CTNNA2: variants seen among roughly 807,000 people sequenced by gnomAD.
The protein encoded by CTNNA2 is catenin alpha-2.
Under a neutral mutation model 101.0 loss-of-function variants are expected in CTNNA2, and 42 were observed. The ratio of observed to expected loss-of-function variants is 0.42; its 90% confidence interval spans 0.32 to 0.54. CTNNA2 has a LOEUF of 0.54. Among genes scored for constraint, CTNNA2 ranks in the 20% least tolerant of loss-of-function variants. The pLI is 0.14. For missense variants in CTNNA2, 871 were observed against 1,223.1 expected (o/e 0.71, Z 4.29); for synonymous variants, 450 against 456.4 (o/e 0.99, Z 0.18).
chr2:80,128,613 G>T (rs1472569817), intron 7 of CTNNA2, among the ~76,000 whole-genome samples: 1 of 152,104 alleles, frequency 6.6e-6, no homozygotes, highest in Admixed American at 6.6e-5. Context: ...AAAAAACAGT[G>T]CCAATTAAAC....
In CTNNA2 at chr2:79,501,181, T is replaced by A. The variant is rs933131724; in HGVS notation, c.-134-3873T>A. Among the ~76,000 whole-genome samples the A allele has an allele frequency of 7.9e-5, 12 of 152,344 alleles. 1 individual carries two copies. In the South Asian group the frequency reaches 2.5e-3, roughly 32 times the overall value. Reference sequence around the variant, plus strand: ...CAGTTTGAATATAATGATGACCTTATTACCCATGGAAAATGGGTTACTGCT... The same window carrying A: ...CAGTTTGAATATAATGATGACCTTAATACCCATGGAAAATGGGTTACTGCT... On this transcript the variant is annotated intron_variant, in intron 4 of 21. Coordinates refer to the CTNNA2 transcript ENST00000466387.
chr2:79,701,541 T>A (rs142763137), intron 2 of CTNNA2, among the ~76,000 whole-genome samples: 44 of 152,304 alleles, frequency 2.9e-4, no homozygotes, highest in Non-Finnish European at 5.3e-4. Flanking sequence ...CAATTCTGAT[T>A]CAACCCATAC....
At chr2:80,355,073 T>C (rs116559408) in intron 7 of CTNNA2, among the ~76,000 whole-genome samples, 5 of 152,188 alleles carry the variant, frequency 3.3e-5, no homozygotes, top group African/African-American at 1.2e-4. Flanking sequence ...TGTGCTAGTT[T>C]ACCACTGCAG....
chr2:79,562,763 GC>G (rs955953959), intron 1 of CTNNA2, among the ~76,000 whole-genome samples: 5 of 151,888 alleles, frequency 3.3e-5, no homozygotes, highest in African/African-American at 1.2e-4. Context: ...TGTGAAACTT[GC>G]TCTGTTGAAC....
rs1008392555 is a variant in CTNNA2, at chr2:80,568,408, G to A, written c.1742-5755G>A. On this transcript the variant is annotated intron_variant, in intron 12 of 18. Transcript: ENST00000402739. ...ACTTCTTATCCTTCTCTACCCAACT[G>A]GATAGATTGTCTGTGCTAGAAGCAG... Among the ~76,000 whole-genome samples, 13 of 152,202 alleles carry A rather than the reference G, an allele frequency of 8.5e-5. No individual in the cohort carries two copies. In the East Asian group the frequency reaches 2.5e-3, roughly 29 times the overall value.
intron 7 of CTNNA2, among the ~76,000 whole-genome samples, chr2:80,209,998 A>G (rs961578851): frequency 6.6e-6 from 1 of 152,224 alleles, no homozygotes; most frequent in South Asian, 2.1e-4. Flanking sequence ...GGTGTGGTTT[A>G]TGGAAGAACT....
chr2:79,817,941 T>C (rs1677663138), intron 3 of CTNNA2, among the ~76,000 whole-genome samples: 1 of 152,192 alleles, frequency 6.6e-6, no homozygotes, highest in Non-Finnish European at 1.5e-5. Context: ...TGATGACATG[T>C]GATGAAGAAT....
intron 7 of CTNNA2, among the ~76,000 whole-genome samples, chr2:80,196,502 T>C (rs951259478): frequency 6.6e-6 from 1 of 152,234 alleles, no homozygotes; most frequent in Non-Finnish European, 1.5e-5. Context: ...ACAGATTTTA[T>C]AGAAAATGAA....
intron 17 of CTNNA2, among the ~76,000 whole-genome samples, chr2:80,611,464 C>A (rs527685443): frequency 1.3e-5 from 2 of 151,614 alleles, no homozygotes; most frequent in East Asian, 3.9e-4. Flanking sequence ...AAAAGTTAAG[C>A]CATATATTTT....
intron 15 of CTNNA2, among the ~76,000 whole-genome samples, chr2:80,591,991 TCATTTTTCAGAAAGAAATCG>T (rs1308045390): frequency 6.6e-6 from 1 of 152,190 alleles, no homozygotes. Context: ...TCTTTTCATG[TCATTTTTCAGAAAGAAATCG>T]CATGTTGCTA....
intron 4 of CTNNA2, among the ~76,000 whole-genome samples, chr2:79,453,957 T>C (rs189605897): frequency 3.1e-4 from 47 of 152,230 alleles, no homozygotes; most frequent in African/African-American, 1.0e-3. Context: ...AGACTTCTGG[T>C]GCTAAAAGCA....
At chr2:79,678,263 T>G (rs773161716) in intron 2 of CTNNA2, among the ~76,000 whole-genome samples, 31 of 152,136 alleles carry the variant, frequency 2.0e-4, no homozygotes, top group Non-Finnish European at 2.2e-4. Flanking sequence ...ATCCCCATGC[T>G]GGGCGCGGTA....
chr2:80,438,513 T>C (rs1682254818), intron 9 of CTNNA2, among the ~76,000 whole-genome samples: 1 of 152,202 alleles, frequency 6.6e-6, no homozygotes, highest in Non-Finnish European at 1.5e-5. Flanking sequence ...TTTTACTCAT[T>C]ATTTATGCCA....
At chr2:79,539,898 G>A (rs1385776349) in intron 1 of CTNNA2, among the ~76,000 whole-genome samples, 1 of 152,080 alleles carries the variant, frequency 6.6e-6, no homozygotes, top group African/African-American at 2.4e-5. Context: ...CTTTTTGGAA[G>A]GTCTTTCTGT....
chr2:80,262,254 T>A (rs1460034324), intron 7 of CTNNA2, among the ~76,000 whole-genome samples: 1 of 152,138 alleles, frequency 6.6e-6, no homozygotes, highest in African/African-American at 2.4e-5. Context: ...ACTCATTTTA[T>A]AATAACTATA....
At chr2:80,093,146 C>T (rs1227516019) in intron 7 of CTNNA2, among the ~76,000 whole-genome samples, 1 of 151,898 alleles carries the variant, frequency 6.6e-6, no homozygotes, top group Non-Finnish European at 1.5e-5. Flanking sequence ...CTAGTGCTAT[C>T]CCCCCTGCTC....
At chr2:79,615,625 GT>G (rs1678567935) in intron 1 of CTNNA2, among the ~76,000 whole-genome samples, 1 of 152,142 alleles carries the variant, frequency 6.6e-6, no homozygotes, top group Non-Finnish European at 1.5e-5. Context: ...AGTTTTGCTC[GT>G]TTGGTATTTG....
intron 4 of CTNNA2, among the ~76,000 whole-genome samples, chr2:79,416,804 G>C (rs2104498011): frequency 6.6e-6 from 1 of 152,032 alleles, no homozygotes; most frequent in South Asian, 2.1e-4. Context: ...AATTTTTTAG[G>C]CAGCTCAATT....
intron 2 of CTNNA2, among the ~76,000 whole-genome samples, chr2:79,672,970 A>G (rs1000857262): frequency 1.3e-5 from 2 of 152,168 alleles, no homozygotes; most frequent in South Asian, 2.1e-4. Flanking sequence ...GGCCTCCCAA[A>G]GTGCTGGGAT....
Sources: gnomAD v4.1 joint callset for allele counts (sites outside exome capture counted in the v4.1 genomes callset) on GRCh38, gnomAD v4.1.1 for gene constraint, MANE v1.5 for transcripts, NCBI Gene and HGNC (gene_info 2026-07-23, HGNC 2026-07-21) for gene names.